ERICH1: variants seen among roughly 807,000 people sequenced by gnomAD.
ERICH1 encodes glutamate rich 1.
In ERICH1, 56 loss-of-function variants were observed where a neutral mutation model predicts 39.6. The observed-to-expected ratio is 1.41, with a 90% confidence interval of 1.14 to 1.77. The LOEUF is 1.77. ERICH1 is among the 40% of genes most tolerant of loss of function. The pLI, the probability that ERICH1 is intolerant of heterozygous loss-of-function variation, is 0.00. For synonymous variants in ERICH1, 313 were observed against 223.6 expected (o/e 1.40, Z -3.57); for missense variants, 826 against 575.4 (o/e 1.44, Z -4.45).
intron 3 of ERICH1, among the ~76,000 whole-genome samples, chr8:687,002 C>A (rs1034155097): frequency 1.3e-5 from 2 of 152,200 alleles, no homozygotes; most frequent in African/African-American, 2.4e-5. Context: ...AGAGAAGTCA[C>A]GCTAGGACTC....
At chr8:620,940 A>T (rs1442349004) in intron 3 of ERICH1, among the ~76,000 whole-genome samples, 1 of 152,244 alleles carries the variant, frequency 6.6e-6, no homozygotes, top group African/African-American at 2.4e-5. Context: ...CATCTACAGA[A>T]CACTTCACCA....
chr8:716,448 G>A (rs1348214562), intron 1 of ERICH1, among the ~76,000 whole-genome samples: 1 of 152,220 alleles, frequency 6.6e-6, no homozygotes, highest in Non-Finnish European at 1.5e-5. Context: ...CAGGTCTGGC[G>A]GGCCCTGAGG....
chr8:726,294 G>A (rs1322678729), intron 1 of ERICH1, among the ~76,000 whole-genome samples: 11 of 151,766 alleles, frequency 7.2e-5, no homozygotes, highest in Admixed American at 2.0e-4. Flanking sequence ...ACACAGACAC[G>A]CATGTACAAA....
At chr8:717,730 C>G (rs1026598917) in intron 1 of ERICH1, among the ~76,000 whole-genome samples, 1 of 152,250 alleles carries the variant, frequency 6.6e-6, no homozygotes, top group Non-Finnish European at 1.5e-5. Context: ...GCAGCCAACG[C>G]GGACATGTGG....
At chr8:632,985 G>A (rs953749935) in intron 3 of ERICH1, among the ~76,000 whole-genome samples, 1 of 152,210 alleles carries the variant, frequency 6.6e-6, no homozygotes, top group Non-Finnish European at 1.5e-5. Flanking sequence ...CAAAGATGCC[G>A]AGACGCAGGG....
chr8:657,365 G>C (rs553967504), intron 3 of ERICH1, among the ~76,000 whole-genome samples: 2 of 151,946 alleles, frequency 1.3e-5, no homozygotes, highest in African/African-American at 4.8e-5. Flanking sequence ...CAGGACTGGA[G>C]TGTCTCTGGT....
Position 673,530 on chromosome 8 carries a change from A to G in ERICH1, c.822T>C (p.Gly274=). 1.2e-6 allele frequency: 2 copies of G among 1,612,584 alleles called. No homozygotes were observed. Among genetic ancestry groups the G allele is most frequent in the Non-Finnish European group, 1.7e-6 (2 of 1,179,760 alleles). Residue 274 remains glycine, a synonymous_variant, in exon 4 of 6, where the codon GGT becomes GGC. Coordinates refer to ENST00000262109, the MANE Select transcript of ERICH1 (RefSeq NM_207332.3). ...EDVKDAREED[G]VDTIEEDLTR... is the part of the protein sequence containing the mutation. ...TCAGGTCTTCCTCAATGGTGTCCAC[A>G]CCGTCCTCCTCCCTGGCGTCTTTAA...
At chr8:701,949 G>A (rs1035619556) in intron 2 of ERICH1, among the ~76,000 whole-genome samples, 1 of 151,842 alleles carries the variant, frequency 6.6e-6, no homozygotes, top group Non-Finnish European at 1.5e-5. Context: ...AATTAGCCAG[G>A]CATGGTGGCG....
intron 2 of ERICH1, among the ~76,000 whole-genome samples, chr8:698,223 CTTTTT>C (rs368424788): frequency 1.2e-5 from 1 of 85,954 alleles, no homozygotes. Context: ...TATTCCTTTT[CTTTTT>C]TTTTTTTTGA....
At chr8:664,176 A>G (rs74343536), downstream of ERICH1, 2,991 of 936,370 alleles carry the variant, frequency 3.2e-3, 73 homozygotes, top group African/African-American at 0.049. Context: ...AGAGAAGAGA[A>G]AAAAAACTCA....
intron 3 of ERICH1, among the ~76,000 whole-genome samples, chr8:639,970 G>A (rs942956186): frequency 6.6e-6 from 1 of 152,172 alleles, no homozygotes; most frequent in Admixed American, 6.5e-5. Context: ...AGACAAAGAA[G>A]AATAATGCTC....
At chr8:687,745 G>A (rs1047973549) in intron 3 of ERICH1, among the ~76,000 whole-genome samples, 1 of 152,066 alleles carries the variant, frequency 6.6e-6, no homozygotes, top group Admixed American at 6.5e-5. Context: ...GCCCGGGGGA[G>A]CGCGCCAGGC....
intron 3 of ERICH1, among the ~76,000 whole-genome samples, chr8:683,196 G>A (rs1231004287): frequency 2.0e-5 from 3 of 152,192 alleles, no homozygotes; most frequent in Non-Finnish European, 2.9e-5. Flanking sequence ...ATGGACAAGC[G>A]GTGGCTGTGG....
At chr8:654,418 C>A (rs573882098) in intron 3 of ERICH1, among the ~76,000 whole-genome samples, 1 of 151,952 alleles carries the variant, frequency 6.6e-6, no homozygotes, top group African/African-American at 2.4e-5. Context: ...GGGGCCTCCT[C>A]GAGGGGCTAC....
At chr8:651,911 G>A (rs1051241348) in intron 3 of ERICH1, among the ~76,000 whole-genome samples, 1 of 152,162 alleles carries the variant, frequency 6.6e-6, no homozygotes, top group African/African-American at 2.4e-5. Flanking sequence ...TGAGAAAAAA[G>A]CCTTTTTCAC....
In ERICH1 at chr8:658,638, A is replaced by G. The variant is rs1201630477; in HGVS notation, c.976+9960T>C. ...GAGACAAGACCTTAGGGAGGTGACCAGGCCTCAATGAGATCATCAGGGCGG... is the reference window on the plus strand; with the variant it reads ...GAGACAAGACCTTAGGGAGGTGACCGGGCCTCAATGAGATCATCAGGGCGG... On this transcript the variant is annotated intron_variant, in intron 3 of 3. Coordinates refer to the ERICH1 transcript ENST00000522706. Among the ~76,000 whole-genome samples, 3 of 152,172 alleles carry G rather than the reference A, an allele frequency of 2.0e-5. No individual in the cohort carries two copies. In the East Asian group the frequency reaches 5.8e-4, roughly 29 times the overall value.
intron 3 of ERICH1, among the ~76,000 whole-genome samples, chr8:688,835 G>A (rs950430610): frequency 6.6e-6 from 1 of 152,202 alleles, no homozygotes; most frequent in Admixed American, 6.5e-5. Context: ...TATCCAACAA[G>A]AAGTACACGA....
At chr8:674,140 T>G in intron 3 of ERICH1, 93 bp from the exon 4 acceptor site, 1 of 1,393,376 alleles carries the variant, frequency 7.2e-7, no homozygotes, top group African/African-American at 1.4e-5. Context: ...GATCTTGTAG[T>G]TTTAGTAGAA....
chr8:684,165 A>T (rs1806780665), intron 3 of ERICH1, among the ~76,000 whole-genome samples: 1 of 152,236 alleles, frequency 6.6e-6, no homozygotes, highest in African/African-American at 2.4e-5. Flanking sequence ...TTTTATAAGC[A>T]ATAAAAGTCT....
Sources: gnomAD v4.1 joint callset for allele counts (sites outside exome capture counted in the v4.1 genomes callset) on GRCh38, gnomAD v4.1.1 for gene constraint, MANE v1.5 for transcripts, NCBI Gene and HGNC (gene_info 2026-07-23, HGNC 2026-07-21) for gene names.